The following BDP1 variants were observed in gnomAD, a reference collection of about 807,000 sequenced individuals.
The protein encoded by BDP1 is BDP1 general transcription factor IIIB subunit, also known as transcription factor TFIIIB component B'' homolog.
In BDP1, 169 loss-of-function variants were observed where a neutral mutation model predicts 266.6. The ratio of observed to expected loss-of-function variants is 0.63; its 90% CI spans 0.56 to 0.72. BDP1 has a LOEUF of 0.72. Ranked by LOEUF, BDP1 falls within the 30% of genes least tolerant of loss-of-function variation. BDP1 has a pLI of 0.00. For synonymous variants in BDP1, 1,090 were observed against 1,022.4 expected, an observed-to-expected ratio of 1.07 and a Z score of -1.26; for missense variants, 3,015 against 3,053.8, an observed-to-expected ratio of 0.99 and a Z score of 0.30.
At position 71,549,437 on chromosome 5, in the gene BDP1, G is replaced by A; in HGVS notation, c.6826G>A (p.Val2276Ile). 2 of 1,612,414 alleles carry A rather than the reference G, an allele frequency of 1.2e-6. No homozygotes were observed. The highest frequency in any genetic ancestry group is 1.7e-6 in the Non-Finnish European group (2 of 1,179,516). The change falls in exon 34 of 39, where the codon GTA (valine) becomes ATA (isoleucine). Residue 2276 changes from valine (V) to isoleucine (I), a missense_variant. Val to Ile is a conservative substitution (Grantham distance 29). This residue lies in a region of BDP1 where 629 missense variants were observed against 632.5 expected (regional missense o/e 0.99). Coordinates refer to ENST00000358731, the MANE Select transcript of BDP1 (RefSeq NM_018429.3). ...QDLTVNLVAN[V>I]PQDGEDEQAF... ...TTTGATAGTGAATCTAGTTGCTAAT[G>A]TACCTCAAGATGGAGAAGATGAACA...
At chr5:71,541,378 A>G in intron 28 of BDP1, 76 bp from the exon 29 acceptor site, 1 of 611,048 alleles carries the variant, frequency 1.6e-6, no homozygotes, top group Non-Finnish European at 2.7e-6. Flanking sequence ...TTTTACAATT[A>G]CTAAATGTTG....
At chr5:71,550,076 C>T (rs897554886) in intron 34 of BDP1, among the ~76,000 whole-genome samples, 3 of 152,294 alleles carry the variant, frequency 2.0e-5, no homozygotes, top group Middle Eastern at 3.4e-3. Context: ...ACTGCATCCT[C>T]GAACTCCTGG....
intron 28 of BDP1, among the ~76,000 whole-genome samples, chr5:71,540,740 C>G (rs566292884): frequency 3.9e-5 from 6 of 152,204 alleles, no homozygotes; most frequent in South Asian, 4.1e-4. Context: ...AGTTCAAGAC[C>G]AGCCTGGGCA....
intron 34 of BDP1, among the ~76,000 whole-genome samples, chr5:71,551,097 GTTTA>G (rs151155386): frequency 0.74 from 110,154 of 149,500 alleles, 41,177 homozygotes; most frequent in East Asian, 0.86. Flanking sequence ...TTTTTTAGTT[GTTTA>G]TTTATTTATT....
intron 7 of BDP1, among the ~76,000 whole-genome samples, chr5:71,482,667 A>G (rs1018046314): frequency 6.6e-6 from 1 of 152,328 alleles, no homozygotes; most frequent in South Asian, 2.1e-4. Flanking sequence ...ATGAGGTAGC[A>G]CTGTTTTAGA....
Position 71,544,425 on chromosome 5 carries a change from G to A in BDP1, c.6481G>A (p.Glu2161Lys). The part of the protein sequence containing the change: ...NKNLGPVTTA[E>K]NKDQSKLACV... ...AAACCTCGGACCAGTTACAACAGCA[G>A]AGAATAAGGATCAGAGCAAATTGGC... The change falls in exon 31 of 39, where the codon GAG becomes AAG. Residue 2161 changes from glutamate (E) to lysine (K), a missense_variant. Coordinates refer to ENST00000358731, the MANE Select transcript of BDP1 (RefSeq NM_018429.3). The A allele has an allele frequency of 6.2e-7, 1 of 1,614,072 alleles. No individual in the cohort carries two copies. The highest frequency in any genetic ancestry group is 2.2e-5 in the East Asian group (1 of 44,880).
At chr5:71,487,177 G>A (rs1019224555) in intron 9 of BDP1, among the ~76,000 whole-genome samples, 25 of 152,104 alleles carry the variant, frequency 1.6e-4, no homozygotes, top group African/African-American at 5.6e-4. Flanking sequence ...GAAGACGCTC[G>A]GAACTATAGG....
chr5:71,499,239 A>G (rs1764084295), intron 13 of BDP1, among the ~76,000 whole-genome samples: 1 of 152,124 alleles, frequency 6.6e-6, no homozygotes, highest in South Asian at 2.1e-4. Flanking sequence ...AGCTGAGATT[A>G]CAGGCGCGCG....
At chr5:71,506,781 T>TATATATATATATATATATATATATATA (rs201899514) in intron 16 of BDP1, among the ~76,000 whole-genome samples, 3 of 106,700 alleles carry the variant, frequency 2.8e-5, no homozygotes, top group African/African-American at 1.0e-4. Context: ...TATATATATA[T>TATATATATATATATATATATATATATA]TTGAAACACA....
In BDP1 at chr5:71,562,373, AC is replaced by A. The variant is rs1344770901; in HGVS notation, c.7598del (p.Pro2533LeufsTer6). The A allele has an allele frequency of 3.7e-6, 6 of 1,613,772 alleles. No individual in the cohort carries two copies. The highest frequency in any genetic ancestry group is 1.3e-5 in the African/African-American group (1 of 74,864). Reference sequence around the variant, plus strand: ...AAGTCCATAGTAAGAAACGCCTAAAACCTCTTATACCTGGATTAAGAAAGAA... The same window carrying A: ...AAGTCCATAGTAAGAAACGCCTAAAACTCTTATACCTGGATTAAGAAAGAA... The part of the protein sequence containing the change: ...MQVHSKKRLK[P>X]LIPGLRKKLK... On this transcript the variant is annotated frameshift_variant, in exon 38 of 39. Transcript: ENST00000358731. LOFTEE classifies it high-confidence loss of function.
At chr5:71,531,193 A>G (rs1277843915) in intron 25 of BDP1, among the ~76,000 whole-genome samples, 1 of 152,198 alleles carries the variant, frequency 6.6e-6, no homozygotes, top group African/African-American at 2.4e-5. Context: ...GAATAGGCCC[A>G]GGTGTTGTGG....
intron 28 of BDP1, among the ~76,000 whole-genome samples, chr5:71,540,567 A>G (rs1766905207): frequency 6.6e-6 from 1 of 152,124 alleles, no homozygotes; most frequent in Non-Finnish European, 1.5e-5. Context: ...ACCTCAGGTG[A>G]TCCACCCGTC....
intron 7 of BDP1, among the ~76,000 whole-genome samples, chr5:71,472,182 TG>T: frequency 6.6e-6 from 1 of 152,168 alleles, no homozygotes; most frequent in East Asian, 1.9e-4. Flanking sequence ...GAGAGTAGGC[TG>T]GGCATGGTGG....
intron 13 of BDP1, among the ~76,000 whole-genome samples, chr5:71,500,386 G>A (rs1194987393): frequency 1.4e-5 from 2 of 138,684 alleles, no homozygotes; most frequent in Non-Finnish European, 3.0e-5. Context: ...AGTGCATGGT[G>A]TGATTTCGGC....
At chr5:71,467,881 C>T (rs149786337) in intron 6 of BDP1, among the ~76,000 whole-genome samples, 6 of 152,010 alleles carry the variant, frequency 3.9e-5, no homozygotes, top group East Asian at 1.9e-4. Flanking sequence ...GATTGATTGC[C>T]GAGGCTGGAG....
chr5:71,526,842 A>G (rs1765919504), intron 25 of BDP1, among the ~76,000 whole-genome samples: 1 of 151,672 alleles, frequency 6.6e-6, no homozygotes, highest in Non-Finnish European at 1.5e-5. Flanking sequence ...TGCACCACCA[A>G]GCCTGATTAA....
chr5:71,500,031 T>C (rs1764132614), intron 13 of BDP1, among the ~76,000 whole-genome samples: 1 of 152,182 alleles, frequency 6.6e-6, no homozygotes, highest in South Asian at 2.1e-4. Flanking sequence ...AATAATCTAT[T>C]TACATTGCTA....
intron 34 of BDP1, among the ~76,000 whole-genome samples, chr5:71,552,349 G>A (rs1220028252): frequency 6.6e-6 from 1 of 152,000 alleles, no homozygotes; most frequent in African/African-American, 2.4e-5. Context: ...GATGGCCGCC[G>A]GGCAGAGACG....
At chr5:71,556,821 A>C (rs1316378429) in intron 35 of BDP1, 65 bp from the exon 36 acceptor site, 1 of 751,806 alleles carries the variant, frequency 1.3e-6, no homozygotes, top group African/African-American at 1.9e-5. Flanking sequence ...AAAAAAAGGA[A>C]ATAAAATTAA....
Sources: gnomAD v4.1 joint callset for allele counts (sites outside exome capture counted in the v4.1 genomes callset) on GRCh38, gnomAD v4.1.1 for gene constraint, gnomAD v4.1.1 regional missense constraint, MANE v1.5 for transcripts, NCBI Gene and HGNC (gene_info 2026-07-23, HGNC 2026-07-21) for gene names.